Variants in RPRD1B observed in about 807,000 individuals in gnomAD.
RPRD1B encodes regulation of nuclear pre-mRNA domain containing 1B.
Under a neutral mutation model 41.5 loss-of-function variants are expected in RPRD1B, and 11 were observed. The ratio of observed to expected loss-of-function variants is 0.27; its 90% CI spans 0.17 to 0.44. RPRD1B has a LOEUF of 0.44. Ranked by LOEUF, RPRD1B falls within the 20% of genes least tolerant of loss-of-function variation. The probability of loss-of-function intolerance (pLI) is 1.00; values close to 1 mark genes in which losing one functional copy is unlikely to be tolerated. For synonymous variants in RPRD1B, 158 were observed against 155.6 expected (o/e 1.02, Z -0.12); for missense variants, 248 against 389.9 (o/e 0.64, Z 3.06).
intron 3 of RPRD1B, chr20:38,049,880 C>T: frequency 2.1e-6 from 1 of 470,676 alleles, no homozygotes; most frequent in South Asian, 1.6e-5. Context: ...TCTCCTGCCA[C>T]TTCCTCACTT....
chr20:38,089,651 C>A, intron 6 of RPRD1B, 75 bp from the exon 7 acceptor site: 1 of 1,234,806 alleles, frequency 8.1e-7, no homozygotes. Flanking sequence ...ACGAGAGTAG[C>A]TGCCCGGCTC....
At chr20:38,078,020 T>G (rs958335335) in intron 6 of RPRD1B, among the ~76,000 whole-genome samples, 1 of 151,880 alleles carries the variant, frequency 6.6e-6, no homozygotes, top group Admixed American at 6.6e-5. Context: ...TATCAAAAAT[T>G]AAAAAATTAG....
At chr20:38,077,427 A>G (rs968995284) in intron 6 of RPRD1B, among the ~76,000 whole-genome samples, 2 of 151,740 alleles carry the variant, frequency 1.3e-5, no homozygotes, top group Non-Finnish European at 2.9e-5. Context: ...TGGCTTGGAG[A>G]GTGGCAGTGC....
intron 2 of RPRD1B, among the ~76,000 whole-genome samples, chr20:38,041,118 C>G (rs780917761): frequency 1.2e-4 from 18 of 152,072 alleles, no homozygotes; most frequent in Non-Finnish European, 2.1e-4. Context: ...GAGTGGCACT[C>G]ATACAACTAA....
intron 3 of RPRD1B, chr20:38,049,817 C>T (rs977679421): frequency 8.5e-6 from 4 of 471,080 alleles, no homozygotes; most frequent in Admixed American, 7.0e-5. Flanking sequence ...AGTCCAAGTA[C>T]TGATAGTATT....
chr20:38,035,931 A>G (rs1418132282), intron 1 of RPRD1B, among the ~76,000 whole-genome samples: 4 of 151,816 alleles, frequency 2.6e-5, no homozygotes, highest in South Asian at 2.1e-4. Context: ...CACCCAGCTA[A>G]TTTTTTGTAT....
chr20:38,058,886 A>C (rs370673295), intron 4 of RPRD1B, among the ~76,000 whole-genome samples: 2 of 151,764 alleles, frequency 1.3e-5, no homozygotes, highest in East Asian at 3.9e-4. Flanking sequence ...ATTTTATTTT[A>C]ATTTTTTTGT....
chr20:38,058,994 G>A (rs2074270667), intron 4 of RPRD1B, among the ~76,000 whole-genome samples: 1 of 152,116 alleles, frequency 6.6e-6, no homozygotes, highest in African/African-American at 2.4e-5. Context: ...GATTACAGGT[G>A]CGAGCCACCA....
chr20:38,076,478 T>C (rs1042786476), intron 6 of RPRD1B, among the ~76,000 whole-genome samples: 3 of 152,190 alleles, frequency 2.0e-5, no homozygotes, highest in Admixed American at 6.5e-5. Flanking sequence ...GCATGCTTTG[T>C]CTCTCCAGTG....
At chr20:38,057,944 T>C (rs2074260843) in intron 4 of RPRD1B, among the ~76,000 whole-genome samples, 2 of 152,232 alleles carry the variant, frequency 1.3e-5, no homozygotes, top group South Asian at 4.1e-4. Context: ...ATAGATAATA[T>C]TACAAAGATA....
At chr20:38,064,979 C>G (rs2074339143) in intron 5 of RPRD1B, among the ~76,000 whole-genome samples, 1 of 148,506 alleles carries the variant, frequency 6.7e-6, no homozygotes, top group Admixed American at 6.7e-5. Flanking sequence ...GAGCAAGACA[C>G]CATCTCAAAA....
chr20:38,088,407 C>T (rs1208714746), intron 6 of RPRD1B, among the ~76,000 whole-genome samples: 2 of 152,202 alleles, frequency 1.3e-5, no homozygotes, highest in Non-Finnish European at 1.5e-5. Flanking sequence ...AACACATCCA[C>T]GGTCACACAG....
Position 38,089,867 on chromosome 20 carries a change from A to T in RPRD1B, c.973A>T (p.Thr325Ser), listed in dbSNP as rs769048043. The change falls in exon 7 of 7, where the codon ACT (threonine) becomes TCT (serine). Residue 325 changes from threonine to serine, a missense_variant. Thr to Ser is a moderately conservative substitution (Grantham distance 58). Around this residue, in one of 5 missense-constraint regions of RPRD1B, gnomAD observed 93 missense variants for 167.2 expected, o/e 0.56. Coordinates refer to ENST00000373433, the MANE Select transcript of RPRD1B (RefSeq NM_021215.4). ...GCCCTCTGCTGGGGACCTGTTTTCA[A>T]CTGACTAGGATGGGTGTCATGTCCC... is the stretch of plus-strand genomic sequence containing the variant. ...PLPSAGDLFS[T>S]D 3 of 1,613,334 alleles carry T rather than the reference A, an allele frequency of 1.9e-6. No homozygotes were observed. The highest frequency in any genetic ancestry group is 4.5e-5 in the East Asian group (2 of 44,870).
intron 1 of RPRD1B, among the ~76,000 whole-genome samples, chr20:38,039,335 C>A (rs1027383639): frequency 2.5e-4 from 38 of 151,410 alleles, no homozygotes; most frequent in Admixed American, 2.3e-3. Flanking sequence ...CCTAGAGATT[C>A]TTCTATATTA....
chr20:38,070,391 G>A (rs896755767), intron 6 of RPRD1B: 6 of 985,402 alleles, frequency 6.1e-6, no homozygotes, highest in Admixed American at 6.1e-5. Context: ...CAAAGAGGAG[G>A]TTAGAGAATG....
intron 5 of RPRD1B, among the ~76,000 whole-genome samples, chr20:38,060,867 C>T (rs1485147196): frequency 6.6e-6 from 1 of 152,160 alleles, no homozygotes; most frequent in Non-Finnish European, 1.5e-5. Flanking sequence ...TCCTCACACA[C>T]ACCTTCAACC....
At chr20:38,053,758 A>G (rs1195833157) in intron 3 of RPRD1B, among the ~76,000 whole-genome samples, 5 of 152,254 alleles carry the variant, frequency 3.3e-5, no homozygotes, top group East Asian at 3.8e-4. Context: ...CATATTGAAT[A>G]TATTTTGGGT....
intron 2 of RPRD1B, among the ~76,000 whole-genome samples, chr20:38,044,221 C>G (rs995760873): frequency 2.6e-5 from 4 of 152,114 alleles, no homozygotes; most frequent in Admixed American, 2.0e-4. Flanking sequence ...CACAAACACG[C>G]TTAATTCCTC....
intron 6 of RPRD1B, among the ~76,000 whole-genome samples, chr20:38,081,835 A>G (rs2122765302): frequency 6.6e-6 from 1 of 152,254 alleles, no homozygotes; most frequent in East Asian, 1.9e-4. Context: ...TTTTGTTTTT[A>G]GTTCTGTTTA....
Sources: allele counts gnomAD v4.1 joint callset (sites outside exome capture counted in the v4.1 genomes callset), GRCh38; gene constraint gnomAD v4.1.1; regional missense constraint gnomAD v4.1.1; transcripts MANE v1.5; gene names NCBI Gene and HGNC (gene_info 2026-07-23, HGNC 2026-07-21).